The following LRRTM1 variants were observed in gnomAD, a reference collection of about 807,000 sequenced individuals.
LRRTM1 encodes the protein leucine rich repeat transmembrane neuronal 1, also known as leucine-rich repeat transmembrane neuronal protein 1.
LRRTM1 carries 8 observed loss-of-function variants against 37.3 expected under a neutral mutation model. That is an observed-to-expected ratio of 0.21 (90% confidence interval 0.13 to 0.39). The LOEUF is 0.39. LRRTM1 is among the 10% of genes least tolerant of loss of function. LRRTM1 has a pLI of 1.00. For synonymous variants in LRRTM1, 326 were observed against 316.8 expected, an observed-to-expected ratio of 1.03 and a Z score of -0.31; for missense variants, 557 against 691.0, an observed-to-expected ratio of 0.81 and a Z score of 2.17.
chr2:80,296,046 AT>A (rs200392552), intron 2 of LRRTM1, among the ~76,000 whole-genome samples: 5 of 150,918 alleles, frequency 3.3e-5, no homozygotes, highest in South Asian at 2.1e-4. Context: ...TTTCTAGCTT[AT>A]TTTTTTTTAG....
intron 2 of LRRTM1, among the ~76,000 whole-genome samples, chr2:80,289,993 G>A (rs1470302039): frequency 2.0e-5 from 3 of 152,148 alleles, no homozygotes; most frequent in Non-Finnish European, 4.4e-5. Context: ...CAACCACAGA[G>A]CTTGGGTTCT....
Position 80,302,765 on chromosome 2 carries a change from T to C in LRRTM1, c.1055A>G (p.Asp352Gly), listed in dbSNP as rs1676471215. The C allele has an allele frequency of 6.2e-7, 1 of 1,613,194 alleles. No homozygotes were observed. The highest frequency in any genetic ancestry group is 1.7e-5 in the Admixed American group (1 of 59,990). Reference sequence around the variant, plus strand: ...GAAGGCGTACACGGCGTCCAGGACGTCCTCGCCCTGTGCGTACTCCGGGCT... The same window carrying C: ...GAAGGCGTACACGGCGTCCAGGACGCCCTCGCCCTGTGCGTACTCCGGGCT... ...CASPEYAQGE[D>G]VLDAVYAFHL... The change falls in exon 2 of 2, where the codon GAC (aspartate) becomes GGC (glycine). Residue 352 changes from aspartate to glycine, a missense_variant. Asp to Gly is a moderately conservative substitution (Grantham distance 94). Coordinates refer to ENST00000295057, the MANE Select transcript of LRRTM1 (RefSeq NM_178839.5). This position sits in a 1 kb window ranked among gnomAD's most constrained non-coding sequence, Gnocchi z 6.4.
intron 2 of LRRTM1, among the ~76,000 whole-genome samples, chr2:80,295,946 C>G (rs750860441): frequency 2.0e-4 from 30 of 152,160 alleles, no homozygotes; most frequent in Admixed American, 4.6e-4. Flanking sequence ...GTTTGCAGTT[C>G]TTGTATCTCT....
chr2:80,301,697 T>C (rs1676325408), downstream of LRRTM1, among the ~76,000 whole-genome samples: 1 of 152,166 alleles, frequency 6.6e-6, no homozygotes, highest in South Asian at 2.1e-4. Context: ...TTAACATAAA[T>C]CATTAATCTG....
rs1285208975 is a variant in LRRTM1, at chr2:80,302,575, G to T, written c.1245C>A (p.Gly415=). The change falls in exon 2 of 2, where the codon GGC becomes GGA. Residue 415 remains glycine, a synonymous_variant. Transcript: ENST00000295057. The surrounding 1 kb of genome is among the most constrained non-coding windows in gnomAD (Gnocchi z 6.4). The part of the protein sequence containing the change: ...TFEPATVALP[G]GEHAENAVQI... ...GCACGGCGTTCTCGGCGTGCTCGCC[G>T]CCTGGAAGAGCCACGGTGGCAGGCT... 2 of 1,607,150 alleles carry T rather than the reference G, an allele frequency of 1.2e-6. No individual in the cohort carries two copies. The highest frequency in any genetic ancestry group is 2.2e-5 in the East Asian group (1 of 44,838).
rs1235087005 is a variant in LRRTM1 at position 80,302,049 on chromosome 2, G to GT, written c.*201dup. 1.1e-5 allele frequency: 7 copies of GT among 647,178 alleles called. No homozygotes were observed. The highest frequency in any genetic ancestry group is 3.3e-5 in the Admixed American group (1 of 30,512). 40.1% of individuals were successfully genotyped at this position (647,178 alleles called of 1,614,324 possible). ...ACTGTCCTGAAGGTTGTGGGGTGGG[G>GT]TTTTTTGTTGTGTTTTAATTCGCTT... is the stretch of plus-strand genomic sequence containing the variant. On this transcript the variant is annotated 3_prime_UTR_variant, in exon 2 of 2. Coordinates refer to ENST00000295057, the MANE Select transcript of LRRTM1 (RefSeq NM_178839.5). The surrounding 1 kb of genome is among the most constrained non-coding windows in gnomAD (Gnocchi z 6.4).
rs1019063889 is a variant in LRRTM1, at chr2:80,304,740, C to T, written c.-648G>A. On this transcript the variant is annotated 5_prime_UTR_variant, in exon 1 of 2. Coordinates refer to ENST00000295057, the MANE Select transcript of LRRTM1 (RefSeq NM_178839.5). The stretch of plus-strand genomic sequence containing the variant: ...CGCGAGCTTGCACAGGCACCTACTG[C>T]TCACTGAGTGTCGTAAGCTGCTCAC... 6.5e-6 allele frequency: 1 copy of T among 152,732 alleles called. No homozygotes were observed. Among genetic ancestry groups the T allele is most frequent in the African/African-American group, 2.4e-5 (1 of 41,366 alleles). 9.5% of individuals were successfully genotyped at this position (152,732 alleles called of 1,614,324 possible). A position where few individuals can be genotyped will look rare whatever the true frequency, so the allele number is the denominator to read the frequency against.
chr2:80,300,281 G>GGGGTGTGT (rs1353283390), downstream of LRRTM1, among the ~76,000 whole-genome samples: 305 of 93,148 alleles, frequency 3.3e-3, 2 homozygotes, highest in Middle Eastern at 0.014. Context: ...GGGGTGTTGG[G>GGGGTGTGT]GTGTGTGTGT....
At position 80,302,734 on chromosome 2, in the gene LRRTM1, C is replaced by T. The variant is rs748233120; in HGVS notation, c.1086G>A (p.Leu362=). The T allele has an allele frequency of 5.0e-6, 8 of 1,613,126 alleles. No homozygotes were observed. The highest frequency in any genetic ancestry group is 5.9e-6 in the Non-Finnish European group (7 of 1,179,890). ...DVLDAVYAFH[L]CEDGAEPTSG... ...TGGTGGGCTCGGCCCCATCCTCGCACAGGTGGAAGGCGTACACGGCGTCCA... is the reference window on the plus strand; with the variant it reads ...TGGTGGGCTCGGCCCCATCCTCGCATAGGTGGAAGGCGTACACGGCGTCCA... The change falls in exon 2 of 2, where the codon CTG becomes CTA. Residue 362 remains leucine (L), a synonymous_variant. Transcript: ENST00000295057. The surrounding 1 kb of genome is among the most constrained non-coding windows in gnomAD (Gnocchi z 6.4).
At position 80,303,504 on chromosome 2, in the gene LRRTM1, C is replaced by T. The variant is rs779900741; in HGVS notation, c.316G>A (p.Gly106Arg). The change falls in exon 2 of 2, where the codon GGG becomes AGG. Residue 106 changes from glycine to arginine, a missense_variant. By Grantham distance (125) the Gly-to-Arg change is moderately radical. Transcript: ENST00000295057. This position sits in a 1 kb window ranked among gnomAD's most constrained non-coding sequence, Gnocchi z 7.7. ...CGGCGCAGTTTCTGAAAGGCGTCCC[C>T]CTGCACGGAGCAGATGTGATTGTGA... is the stretch of plus-strand genomic sequence containing the variant. Reference protein sequence around the residue: ...LDHNHICSVQGDAFQKLRRVK... With the variant: ...LDHNHICSVQRDAFQKLRRVK... The T allele has an allele frequency of 1.9e-6, 3 of 1,614,234 alleles. No individual in the cohort carries two copies. Among genetic ancestry groups the T allele is most frequent in the Non-Finnish European group, 2.5e-6 (3 of 1,180,046 alleles).
chr2:80,294,480 A>T (rs952769558), intron 2 of LRRTM1, among the ~76,000 whole-genome samples: 5 of 151,682 alleles, frequency 3.3e-5, no homozygotes, highest in African/African-American at 4.8e-5. Flanking sequence ...CCCTGACCCC[A>T]TGGAGCCCAG....
downstream of LRRTM1, chr2:80,298,038 T>A (rs1203866394): frequency 1.4e-5 from 2 of 147,826 alleles, no homozygotes. Flanking sequence ...TATTATATAT[T>A]ATATATATAT....
downstream of LRRTM1, among the ~76,000 whole-genome samples, chr2:80,297,725 C>G (rs1367134505): frequency 6.6e-6 from 1 of 152,094 alleles, no homozygotes; most frequent in African/African-American, 2.4e-5. Context: ...GCTGGCTCTT[C>G]CCACTAGACA....
downstream of LRRTM1, among the ~76,000 whole-genome samples, chr2:80,301,057 C>T (rs1676258865): frequency 6.6e-6 from 1 of 152,112 alleles, no homozygotes; most frequent in Admixed American, 6.5e-5. Flanking sequence ...TATGCAAACA[C>T]AGGATCAAAT....
At position 80,302,107 on chromosome 2, in the gene LRRTM1, A is replaced by T; in HGVS notation, c.*144T>A. On this transcript the variant is annotated 3_prime_UTR_variant, in exon 2 of 2. Coordinates refer to ENST00000295057, the MANE Select transcript of LRRTM1 (RefSeq NM_178839.5). The surrounding 1 kb of genome is among the most constrained non-coding windows in gnomAD (Gnocchi z 6.4). Reference sequence around the variant, plus strand: ...TAAGACACAATAAAGCTAAAATGTCAAGTCTCTGGGAGAGATCCCCTTAAA... The same window carrying T: ...TAAGACACAATAAAGCTAAAATGTCTAGTCTCTGGGAGAGATCCCCTTAAA... 1 of 1,105,978 alleles carries T rather than the reference A, an allele frequency of 9.0e-7. No homozygotes were observed. The highest frequency in any genetic ancestry group is 1.8e-5 in the South Asian group (1 of 55,592). The allele number at this position is 1,105,978 out of a possible 1,614,324, so 68.5% of individuals were successfully genotyped here.
chr2:80,288,590 G>A (rs1674972882), exon 3 of LRRTM1: 2 of 152,162 alleles, frequency 1.3e-5, no homozygotes, highest in Non-Finnish European at 2.9e-5. Context: ...ACATAAACCA[G>A]GAATCCACTG....
intron 2 of LRRTM1, among the ~76,000 whole-genome samples, chr2:80,289,599 T>C (rs753636755): frequency 7.9e-5 from 12 of 152,166 alleles, no homozygotes; most frequent in Non-Finnish European, 1.6e-4. Context: ...CTAATGCTGA[T>C]TGAGAATCTA....
intron 2 of LRRTM1, among the ~76,000 whole-genome samples, chr2:80,296,111 G>A (rs1675717653): frequency 6.6e-6 from 1 of 152,056 alleles, no homozygotes; most frequent in African/African-American, 2.4e-5. Flanking sequence ...TGGGGTACAT[G>A]AGATATTTTG....
intron 2 of LRRTM1, among the ~76,000 whole-genome samples, chr2:80,289,637 A>G (rs967002457): frequency 6.6e-6 from 1 of 152,184 alleles, no homozygotes. Flanking sequence ...GGCCAACTCA[A>G]TGCACATGCT....
Sources: gnomAD v4.1 joint callset for allele counts (sites outside exome capture counted in the v4.1 genomes callset) on GRCh38, gnomAD v4.1.1 for gene constraint, Gnocchi (gnomAD v3.1) non-coding constraint, MANE v1.5 for transcripts, NCBI Gene and HGNC (gene_info 2026-07-23, HGNC 2026-07-21) for gene names.